Variants in FAM184B observed in about 807,000 individuals in gnomAD.
FAM184B encodes the protein family with sequence similarity 184 member B.
FAM184B carries 111 observed loss-of-function variants against 135.9 expected under a neutral mutation model. The ratio of observed to expected loss-of-function variants is 0.82; its 90% CI spans 0.70 to 0.96. The LOEUF (loss-of-function observed/expected upper bound fraction) is 0.96. Ranked by LOEUF, FAM184B falls within the 40% of genes least tolerant of loss-of-function variation. The pLI is 0.00. For missense variants in FAM184B, 1,375 were observed against 1,323.9 expected (o/e 1.04, Z -0.60); for synonymous variants, 552 against 524.8 (o/e 1.05, Z -0.71).
In FAM184B at chr4:17,727,799, G is replaced by T. The variant is rs201717372; in HGVS notation, c.142-18155C>A. 4.6e-5 allele frequency among the ~76,000 whole-genome samples: 7 copies of T among 152,220 alleles called. No homozygotes were observed. The East Asian group carries it at 1.4e-3, about 29-fold the overall frequency. On this transcript the variant is annotated intron_variant, in intron 1 of 17. Coordinates refer to ENST00000265018, the MANE Select transcript of FAM184B (RefSeq NM_015688.2). ...CAATTCAAGATAAGATTTCAGTGGG[G>T]ACACAGAGCCGAACCATATCACCTA... is the stretch of plus-strand genomic sequence containing the variant.
intron 7 of FAM184B, among the ~76,000 whole-genome samples, chr4:17,682,337 G>A (rs1377630687): frequency 6.6e-6 from 1 of 152,164 alleles, no homozygotes; most frequent in Non-Finnish European, 1.5e-5. Flanking sequence ...CAGGATTAAA[G>A]TCTTGGTGAG....
intron 6 of FAM184B, among the ~76,000 whole-genome samples, chr4:17,689,114 G>A (rs1231123513): frequency 6.6e-6 from 1 of 152,108 alleles, no homozygotes; most frequent in Non-Finnish European, 1.5e-5. Context: ...TACTCGATCT[G>A]TAGGGTGGCT....
chr4:17,694,417 G>A (rs1204435581), intron 5 of FAM184B, among the ~76,000 whole-genome samples: 1 of 152,084 alleles, frequency 6.6e-6, no homozygotes, highest in East Asian at 1.9e-4. Flanking sequence ...CAGCTACTCG[G>A]GAGGCTGAGG....
At chr4:17,647,509 C>G (rs1715501688) in intron 12 of FAM184B, 128 bp downstream of exon 12, 1 of 1,226,944 alleles carries the variant, frequency 8.2e-7, no homozygotes, top group Non-Finnish European at 1.1e-6. Flanking sequence ...TTTGGCCTCC[C>G]AAAGTGCTAG....
At chr4:17,727,976 T>A (rs1048310635) in intron 1 of FAM184B, among the ~76,000 whole-genome samples, 1 of 150,362 alleles carries the variant, frequency 6.7e-6, no homozygotes, top group East Asian at 1.9e-4. Flanking sequence ...AGTTCTTATT[T>A]AAAAAAAAAA....
At chr4:17,658,673 C>T in intron 9 of FAM184B, 111 bp from the exon 10 acceptor site, 1 of 1,042,608 alleles carries the variant, frequency 9.6e-7, no homozygotes, top group Non-Finnish European at 1.4e-6. Context: ...CCTCCTCTGT[C>T]TGTAGAGACT....
rs1330219153 is a variant in FAM184B, at chr4:17,636,528, C to T, written c.2784G>A (p.Thr928=). ...GTGAGGCGCCCCCTGACAGCCTCAC[C>T]GTGAGCTGCTTGATGATGTCCTCTC... The part of the protein sequence containing the change: ...KEREDIIKQL[T]EERRFHYAAF... The change falls in exon 15 of 18, where the codon ACG becomes ACA. Residue 928 remains threonine (T), a splice_region_variant and synonymous_variant. Coordinates refer to ENST00000265018, the MANE Select transcript of FAM184B (RefSeq NM_015688.2). 8 of 1,550,012 alleles carry T rather than the reference C, an allele frequency of 5.2e-6. No individual in the cohort carries two copies. Among genetic ancestry groups the T allele is most frequent in the Admixed American group, 3.9e-5 (2 of 50,952 alleles).
At chr4:17,756,176 G>A (rs767702077) in intron 1 of FAM184B, among the ~76,000 whole-genome samples, 1 of 152,124 alleles carries the variant, frequency 6.6e-6, no homozygotes, top group Non-Finnish European at 1.5e-5. Flanking sequence ...AGAGTTTCTT[G>A]GGGCAATGGC....
At chr4:17,669,260 A>G (rs1285598770) in intron 7 of FAM184B, among the ~76,000 whole-genome samples, 1 of 152,184 alleles carries the variant, frequency 6.6e-6, no homozygotes, top group East Asian at 1.9e-4. Context: ...TCCTAGTTTC[A>G]GGTATTTTGG....
At chr4:17,643,352 C>G (rs1296917582) in intron 12 of FAM184B, among the ~76,000 whole-genome samples, 1 of 152,134 alleles carries the variant, frequency 6.6e-6, no homozygotes, top group Admixed American at 6.5e-5. Flanking sequence ...TGCATCTCCT[C>G]TCTGTGTGGG....
chr4:17,670,662 A>G (rs532241962), intron 7 of FAM184B, among the ~76,000 whole-genome samples: 4 of 152,202 alleles, frequency 2.6e-5, no homozygotes, highest in Non-Finnish European at 5.9e-5. Context: ...ATTTCTATAC[A>G]TTATCTCATG....
At chr4:17,683,328 G>A (rs10939746) in intron 7 of FAM184B, among the ~76,000 whole-genome samples, 84,028 of 152,038 alleles carry the variant, frequency 0.55, 24,644 homozygotes, top group East Asian at 0.82. Context: ...CAAATTCCAC[G>A]GGAGCAAGAG....
At chr4:17,689,370 CTT>C (rs2108956715) in intron 6 of FAM184B, among the ~76,000 whole-genome samples, 1 of 152,212 alleles carries the variant, frequency 6.6e-6, no homozygotes, top group Admixed American at 6.5e-5. Flanking sequence ...ATAAAGGAAA[CTT>C]TGACTTTCCT....
Position 17,639,408 on chromosome 4 carries a change from G to A in FAM184B, c.2520-12C>T. 1 of 1,551,238 alleles carries A rather than the reference G, an allele frequency of 6.4e-7. No homozygotes were observed. The highest frequency in any genetic ancestry group is 1.2e-5 in the South Asian group (1 of 84,054). ...TCTCCTCCAGGAACCTGTGGTGGATGAAAGCACAGCCAGGCTTGCCCAGCT... is the reference window on the plus strand; with the variant it reads ...TCTCCTCCAGGAACCTGTGGTGGATAAAAGCACAGCCAGGCTTGCCCAGCT... On this transcript the variant is annotated splice_polypyrimidine_tract_variant and intron_variant, in intron 13 of 17. Transcript: ENST00000265018.
At chr4:17,654,959 C>T (rs1178009280) in intron 10 of FAM184B, among the ~76,000 whole-genome samples, 1 of 152,170 alleles carries the variant, frequency 6.6e-6, no homozygotes, top group Non-Finnish European at 1.5e-5. Flanking sequence ...CCAAGTCATC[C>T]TCCCATCTCA....
intron 14 of FAM184B, 34 bp from the exon 15 acceptor site, chr4:17,636,679 T>C: frequency 6.8e-7 from 1 of 1,466,244 alleles, no homozygotes; most frequent in Non-Finnish European, 9.2e-7. Flanking sequence ...AAGTCCCCCT[T>C]ACAGCAATTA....
intron 12 of FAM184B, among the ~76,000 whole-genome samples, chr4:17,645,667 G>T (rs1044089416): frequency 1.4e-4 from 21 of 151,850 alleles, no homozygotes; most frequent in Admixed American, 6.6e-5. Context: ...ATAGGCATGG[G>T]CAAGGACTTC....
chr4:17,644,088 G>C (rs1246317028), intron 12 of FAM184B, among the ~76,000 whole-genome samples: 1 of 152,202 alleles, frequency 6.6e-6, no homozygotes. Flanking sequence ...ACAGGCGAAG[G>C]CCAAAGGGAG....
intron 16 of FAM184B, among the ~76,000 whole-genome samples, chr4:17,634,542 TTGAAATCC>T (rs1715065281): frequency 6.6e-6 from 1 of 152,310 alleles, no homozygotes; most frequent in East Asian, 1.9e-4. Flanking sequence ...CAGGCTGGTC[TTGAAATCC>T]TGACCTCAAG....
Sources: gnomAD v4.1 joint callset for allele counts (sites outside exome capture counted in the v4.1 genomes callset) on GRCh38, gnomAD v4.1.1 for gene constraint, MANE v1.5 for transcripts, NCBI Gene and HGNC (gene_info 2026-07-23, HGNC 2026-07-21) for gene names.